ADCY5: variants seen among roughly 807,000 people sequenced by gnomAD.
ADCY5 encodes the protein adenylate cyclase 5, also known as adenylate cyclase type 5.
A neutral mutation model predicts 119.7 loss-of-function variants in ADCY5; 30 were observed. The observed-to-expected ratio is 0.25, with a 90% CI of 0.19 to 0.34. ADCY5 has a LOEUF of 0.34. Among genes scored for constraint, ADCY5 ranks in the 10% least tolerant of loss-of-function variants. The pLI, the probability that ADCY5 is intolerant of heterozygous loss-of-function variation, is 1.00. For missense variants in ADCY5, 1,324 were observed against 1,775.2 expected (o/e 0.75, Z 4.57); for synonymous variants, 753 against 762.2 (o/e 0.99, Z 0.20).
At chr3:123,413,194 G>A (rs1945099962) in intron 1 of ADCY5, among the ~76,000 whole-genome samples, 1 of 152,214 alleles carries the variant, frequency 6.6e-6, no homozygotes, top group African/African-American at 2.4e-5. Flanking sequence ...CCAAGCCAAG[G>A]ACCAGGCTGT....
At chr3:123,371,815 G>C (rs1481586945) in intron 1 of ADCY5, among the ~76,000 whole-genome samples, 5 of 152,248 alleles carry the variant, frequency 3.3e-5, no homozygotes, top group African/African-American at 9.6e-5. Flanking sequence ...ACACAGTGAA[G>C]GGCAGAAAAG....
intron 19 of ADCY5, 61 bp downstream of exon 19, chr3:123,289,689 C>T: frequency 6.3e-7 from 1 of 1,579,358 alleles, no homozygotes; most frequent in South Asian, 1.1e-5. Context: ...TATGGGGGAG[C>T]CCCTGCCAGC....
At chr3:123,366,472 C>G (rs1350632611) in intron 1 of ADCY5, among the ~76,000 whole-genome samples, 1 of 152,188 alleles carries the variant, frequency 6.6e-6, no homozygotes, top group Non-Finnish European at 1.5e-5. Context: ...CTGTGGCTTT[C>G]AGAAACATGA....
chr3:123,370,236 A>T (rs995192676), intron 1 of ADCY5, among the ~76,000 whole-genome samples: 2 of 152,242 alleles, frequency 1.3e-5, no homozygotes, highest in African/African-American at 4.8e-5. Flanking sequence ...ACTATAGATT[A>T]TCACACCACC....
intron 1 of ADCY5, among the ~76,000 whole-genome samples, chr3:123,353,928 C>T (rs1942947778): frequency 6.6e-6 from 1 of 152,120 alleles, no homozygotes; most frequent in African/African-American, 2.4e-5. Context: ...TTTCTCTTTC[C>T]TATTTCAGGC....
chr3:123,411,922 C>T (rs1164225996), intron 1 of ADCY5, among the ~76,000 whole-genome samples: 2 of 152,188 alleles, frequency 1.3e-5, no homozygotes, highest in East Asian at 1.9e-4. Context: ...TGTCCATCCC[C>T]GCAGCCTGTG....
chr3:123,419,047 G>T, intron 1 of ADCY5: 2 of 713,444 alleles, frequency 2.8e-6, no homozygotes, highest in Non-Finnish European at 3.4e-6. Context: ...GGTCTTCTCA[G>T]TCTCCGTAAC....
chr3:123,405,933 C>A (rs116389327), intron 1 of ADCY5, among the ~76,000 whole-genome samples: 2,180 of 152,300 alleles, frequency 0.014, 46 homozygotes, highest in African/African-American at 0.049. Flanking sequence ...CCACACCCAG[C>A]ACTTTTTATT....
At chr3:123,318,237 C>G (rs1941029540) in intron 10 of ADCY5, 120 bp from the exon 11 acceptor site, 1 of 704,798 alleles carries the variant, frequency 1.4e-6, no homozygotes, top group Admixed American at 2.2e-5. Flanking sequence ...AGCCCACTCC[C>G]ACAACAGGGA....
chr3:123,353,006 C>T (rs1033749446), intron 1 of ADCY5, among the ~76,000 whole-genome samples: 1 of 152,178 alleles, frequency 6.6e-6, no homozygotes, highest in Non-Finnish European at 1.5e-5. Context: ...CACCCTCCCC[C>T]AGAGATCAGC....
chr3:123,356,948 G>T (rs908596515), intron 1 of ADCY5, among the ~76,000 whole-genome samples: 1 of 152,006 alleles, frequency 6.6e-6, no homozygotes, highest in Non-Finnish European at 1.5e-5. Flanking sequence ...GTACAACATG[G>T]ATGCATCTCA....
intron 8 of ADCY5, among the ~76,000 whole-genome samples, chr3:123,322,873 A>G (rs549711468): frequency 6.6e-6 from 1 of 152,332 alleles, no homozygotes; most frequent in Non-Finnish European, 1.5e-5. Context: ...ACCTTCTAAC[A>G]GCTCTCACTC....
rs1182519518 is a variant in ADCY5, at chr3:123,284,704, G to A, written c.3690C>T (p.Ala1230=). The A allele has an allele frequency of 6.2e-7, 1 of 1,614,232 alleles. No individual in the cohort carries two copies. The highest frequency in any genetic ancestry group is 2.2e-5 in the East Asian group (1 of 44,878). Residue 1230 remains alanine (A), a synonymous_variant, in exon 21 of 21, where the codon GCC becomes GCT. Coordinates refer to ENST00000462833, the MANE Select transcript of ADCY5 (RefSeq NM_183357.3). The part of the protein sequence containing the change: ...VTTDMYQVLA[A]NTYQLECRGV... ...CCCGGCACTCCAGCTGGTACGTGTT[G>A]GCAGCCAGCACCTGGTACATGTCTG...
At position 123,331,032 on chromosome 3, in the gene ADCY5, A is replaced by G. The variant is rs1378755451; in HGVS notation, c.1519-16T>C. 6.2e-7 allele frequency: 1 copy of G among 1,600,668 alleles called. No individual in the cohort carries two copies. The highest frequency in any genetic ancestry group is 2.2e-5 in the East Asian group (1 of 44,728). On this transcript the variant is annotated splice_polypyrimidine_tract_variant and intron_variant, in intron 4 of 20. Transcript: ENST00000462833. Reference sequence around the variant, plus strand: ...AGTGATTCTCCTGGAAAGCAAATTAATTTTACAAATTAAAAATAGTAGGAA... The same window carrying G: ...AGTGATTCTCCTGGAAAGCAAATTAGTTTTACAAATTAAAAATAGTAGGAA...
At chr3:123,397,863 A>G (rs972883050) in intron 1 of ADCY5, among the ~76,000 whole-genome samples, 1 of 152,174 alleles carries the variant, frequency 6.6e-6, no homozygotes, top group Non-Finnish European at 1.5e-5. Flanking sequence ...CAGATGAGGA[A>G]CTAATAGGGT....
intron 14 of ADCY5, among the ~76,000 whole-genome samples, chr3:123,301,190 C>T (rs1236876265): frequency 6.6e-6 from 1 of 152,132 alleles, no homozygotes; most frequent in Non-Finnish European, 1.5e-5. Flanking sequence ...ATTATTATTA[C>T]TATTTTAATT....
chr3:123,312,777 C>A (rs952357192), intron 12 of ADCY5, among the ~76,000 whole-genome samples: 5 of 152,194 alleles, frequency 3.3e-5, no homozygotes, highest in African/African-American at 1.2e-4. Flanking sequence ...ATTTACAGCA[C>A]GTTTTGTTTA....
intron 1 of ADCY5, among the ~76,000 whole-genome samples, chr3:123,413,362 T>G (rs1488423550): frequency 1.3e-5 from 2 of 152,176 alleles, no homozygotes; most frequent in African/African-American, 4.8e-5. Flanking sequence ...CTGGGTGGGC[T>G]GGGCCCAAGG....
At chr3:123,306,039 C>T (rs1423351646) in intron 12 of ADCY5, among the ~76,000 whole-genome samples, 4 of 152,154 alleles carry the variant, frequency 2.6e-5, no homozygotes, top group Admixed American at 1.3e-4. Flanking sequence ...TACCATCAAG[C>T]CTGTGGCACA....
Sources: allele counts gnomAD v4.1 joint callset (sites outside exome capture counted in the v4.1 genomes callset), GRCh38; gene constraint gnomAD v4.1.1; transcripts MANE v1.5; gene names NCBI Gene and HGNC (gene_info 2026-07-23, HGNC 2026-07-21).